SPECC1: variants seen among roughly 807,000 people sequenced by gnomAD.
SPECC1 encodes the protein cytospin-B.
In SPECC1, 62 loss-of-function variants were observed where a neutral mutation model predicts 104.1. The ratio of observed to expected loss-of-function variants is 0.60; its 90% CI spans 0.49 to 0.74. The LOEUF (loss-of-function observed/expected upper bound fraction) is 0.74. Ranked by LOEUF, SPECC1 falls within the 30% of genes least tolerant of loss-of-function variation. SPECC1 has a pLI of 0.00. For synonymous variants in SPECC1, 513 were observed against 501.6 expected (o/e 1.02, Z -0.30); for missense variants, 1,306 against 1,310.5 (o/e 1.00, Z 0.05).
chr17:20,070,898 T>C (rs2046525159), intron 1 of SPECC1, among the ~76,000 whole-genome samples: 1 of 152,180 alleles, frequency 6.6e-6, no homozygotes, highest in South Asian at 2.1e-4. Flanking sequence ...TGCCTTTGCC[T>C]ATAGGCTCAG....
intron 1 of SPECC1, among the ~76,000 whole-genome samples, chr17:20,094,540 T>TTGTGGTGG (rs1567837703): frequency 1.3e-5 from 2 of 152,166 alleles, no homozygotes; most frequent in African/African-American, 4.8e-5. Flanking sequence ...TTTTTCTCTT[T>TTGTGGTGG]TGTGGTGGTG....
At chr17:20,095,363 A>G (rs1039282214) in intron 1 of SPECC1, among the ~76,000 whole-genome samples, 4 of 152,258 alleles carry the variant, frequency 2.6e-5, no homozygotes, top group Non-Finnish European at 5.9e-5. Context: ...GTGGAAAACA[A>G]ATTACGCCGC....
chr17:20,133,008 G>A (rs2049735723), intron 3 of SPECC1, among the ~76,000 whole-genome samples: 1 of 152,076 alleles, frequency 6.6e-6, no homozygotes, highest in Non-Finnish European at 1.5e-5. Flanking sequence ...CGAAGTTCTG[G>A]GATTACAGGT....
chr17:20,156,582 G>C (rs1485427720), intron 3 of SPECC1, among the ~76,000 whole-genome samples: 2 of 152,132 alleles, frequency 1.3e-5, no homozygotes, highest in African/African-American at 2.4e-5. Flanking sequence ...GGGCGTTTGC[G>C]GGGAGGGCGT....
intron 4 of SPECC1, among the ~76,000 whole-genome samples, chr17:20,206,817 C>CGGTCATGA (rs2036815301): frequency 6.6e-6 from 1 of 152,180 alleles, no homozygotes; most frequent in Non-Finnish European, 1.5e-5. Flanking sequence ...TTCATCCTAG[C>CGGTCATGA]GGTCATGAGA....
At chr17:20,207,671 C>G (rs573126262) in intron 4 of SPECC1, among the ~76,000 whole-genome samples, 3 of 152,082 alleles carry the variant, frequency 2.0e-5, no homozygotes, top group Non-Finnish European at 4.4e-5. Context: ...AAAGTATTAC[C>G]TTTAATTTCA....
intron 3 of SPECC1, among the ~76,000 whole-genome samples, chr17:20,180,292 C>T (rs1016649742): frequency 6.6e-5 from 10 of 152,166 alleles, no homozygotes; most frequent in Non-Finnish European, 1.2e-4. Flanking sequence ...AGCAGCCCCA[C>T]AGTAAATACT....
intron 1 of SPECC1, among the ~76,000 whole-genome samples, chr17:20,015,095 C>G (rs1329105528): frequency 6.6e-6 from 1 of 152,104 alleles, no homozygotes; most frequent in Non-Finnish European, 1.5e-5. Context: ...GTTCTTCCTG[C>G]TCAGCATTTG....
chr17:20,021,165 G>A (rs1240932196), intron 1 of SPECC1, among the ~76,000 whole-genome samples: 2 of 151,966 alleles, frequency 1.3e-5, no homozygotes, highest in African/African-American at 2.4e-5. Context: ...GTAGGCTGAG[G>A]GGGAGGAGGA....
chr17:20,244,028 G>C (rs1469517498), intron 7 of SPECC1, among the ~76,000 whole-genome samples: 3 of 151,912 alleles, frequency 2.0e-5, no homozygotes, highest in Admixed American at 6.6e-5. Context: ...ACCAGCCTGG[G>C]CAACATGGCG....
chr17:20,217,663 C>T (rs1455564782), intron 4 of SPECC1, among the ~76,000 whole-genome samples: 1 of 152,182 alleles, frequency 6.6e-6, no homozygotes, highest in African/African-American at 2.4e-5. Flanking sequence ...CCCCAGGATG[C>T]AAGACTCAAA....
chr17:20,132,126 A>C (rs1036685184), intron 3 of SPECC1, among the ~76,000 whole-genome samples: 2 of 151,824 alleles, frequency 1.3e-5, no homozygotes, highest in Non-Finnish European at 2.9e-5. Flanking sequence ...GAATTTGTCT[A>C]ATGTTTTCTC....
chr17:20,059,562 ACTT>A (rs34148222), intron 1 of SPECC1, among the ~76,000 whole-genome samples: 68,011 of 151,694 alleles, frequency 0.45, 15,831 homozygotes, highest in Middle Eastern at 0.54. Flanking sequence ...ATGAAGTGCA[ACTT>A]CTTCTACTCT....
At chr17:20,132,385 A>C (rs1191491272) in intron 3 of SPECC1, among the ~76,000 whole-genome samples, 1 of 152,194 alleles carries the variant, frequency 6.6e-6, no homozygotes, top group Non-Finnish European at 1.5e-5. Flanking sequence ...TATCAGGATA[A>C]TACTACTTCA....
chr17:20,141,887 A>T (rs1200035230), intron 3 of SPECC1, among the ~76,000 whole-genome samples: 1 of 152,006 alleles, frequency 6.6e-6, no homozygotes, highest in African/African-American at 2.4e-5. Context: ...CTTCTCTTTC[A>T]CTCATTCTCC....
intron 11 of SPECC1, among the ~76,000 whole-genome samples, chr17:20,259,019 C>T (rs1289466595): frequency 2.6e-5 from 4 of 152,196 alleles, no homozygotes; most frequent in Non-Finnish European, 2.9e-5. Context: ...GTAAAACTTA[C>T]GAGTGAGTAG....
At chr17:20,048,453 T>C (rs2045623012) in intron 1 of SPECC1, among the ~76,000 whole-genome samples, 1 of 152,162 alleles carries the variant, frequency 6.6e-6, no homozygotes, top group East Asian at 1.9e-4. Flanking sequence ...TCTTGATTCT[T>C]GTCATCTTCC....
At chr17:20,050,878 T>A (rs895197890) in intron 1 of SPECC1, among the ~76,000 whole-genome samples, 2 of 152,346 alleles carry the variant, frequency 1.3e-5, no homozygotes, top group Non-Finnish European at 2.9e-5. Flanking sequence ...CTAGTAACTC[T>A]TAGAAAACTA....
chr17:20,157,088 T>A (rs535185845), intron 3 of SPECC1, among the ~76,000 whole-genome samples: 5 of 150,806 alleles, frequency 3.3e-5, no homozygotes, highest in Non-Finnish European at 7.5e-5. Context: ...ATGAGGACTT[T>A]GAGGCTCTGA....
Sources: allele counts gnomAD v4.1 joint callset (sites outside exome capture counted in the v4.1 genomes callset), GRCh38; gene constraint gnomAD v4.1.1; transcripts MANE v1.5; gene names NCBI Gene and HGNC (gene_info 2026-07-23, HGNC 2026-07-21).